Variants in SLC35F3 observed in about 807,000 individuals in gnomAD.
SLC35F3 encodes the protein putative thiamine transporter SLC35F3.
Under a neutral mutation model 49.9 loss-of-function variants are expected in SLC35F3, and 25 were observed. The ratio of observed to expected loss-of-function variants is 0.50; its 90% confidence interval spans 0.37 to 0.70. The LOEUF (loss-of-function observed/expected upper bound fraction) is 0.70. Among genes scored for constraint, SLC35F3 ranks in the 30% least tolerant of loss-of-function variants. The probability of loss-of-function intolerance (pLI) is 0.00; values close to 1 mark genes in which losing one functional copy is unlikely to be tolerated. For missense variants in SLC35F3, 525 were observed against 639.8 expected, an observed-to-expected ratio of 0.82 and a Z score of 1.94; for synonymous variants, 275 against 265.4, an observed-to-expected ratio of 1.04 and a Z score of -0.35.
intron 2 of SLC35F3, among the ~76,000 whole-genome samples, chr1:234,199,148 A>C (rs1666859526): frequency 6.6e-6 from 1 of 152,144 alleles, no homozygotes; most frequent in Admixed American, 6.5e-5. Context: ...GGATTGCTTA[A>C]GCTCGGGTGT....
chr1:233,961,454 TC>T (rs1662800416), intron 2 of SLC35F3, among the ~76,000 whole-genome samples: 1 of 139,584 alleles, frequency 7.2e-6, no homozygotes, highest in Non-Finnish European at 1.5e-5. Context: ...TTTTTTCCTC[TC>T]TTTTTTTTTT....
chr1:234,249,652 A>C (rs1224423977), intron 3 of SLC35F3, among the ~76,000 whole-genome samples: 1 of 152,184 alleles, frequency 6.6e-6, no homozygotes, highest in Non-Finnish European at 1.5e-5. Flanking sequence ...GTTGCAAGTA[A>C]AATTGGGTCC....
intron 3 of SLC35F3, among the ~76,000 whole-genome samples, chr1:234,241,102 TTTTC>T (rs1302307787): frequency 3.3e-5 from 5 of 152,224 alleles, no homozygotes; most frequent in African/African-American, 1.2e-4. Flanking sequence ...GATGTGTTTC[TTTTC>T]TTTCTTTTCT....
At chr1:234,021,190 A>C (rs1338974523) in intron 2 of SLC35F3, among the ~76,000 whole-genome samples, 1 of 152,154 alleles carries the variant, frequency 6.6e-6, no homozygotes, top group African/African-American at 2.4e-5. Flanking sequence ...AGCAGGCTCC[A>C]GACCTTGCAC....
chr1:233,958,972 T>C (rs1322727211), intron 2 of SLC35F3, among the ~76,000 whole-genome samples: 2 of 152,202 alleles, frequency 1.3e-5, no homozygotes, highest in African/African-American at 2.4e-5. Context: ...TTTGGAACTG[T>C]GTGTATGATC....
At chr1:234,004,002 A>T (rs903897840) in intron 2 of SLC35F3, among the ~76,000 whole-genome samples, 1 of 152,180 alleles carries the variant, frequency 6.6e-6, no homozygotes, top group African/African-American at 2.4e-5. Context: ...GACTGATGGG[A>T]GAATAAATGA....
At chr1:234,226,123 C>T (rs1029028311) in intron 2 of SLC35F3, among the ~76,000 whole-genome samples, 1 of 152,154 alleles carries the variant, frequency 6.6e-6, no homozygotes, top group African/African-American at 2.4e-5. Context: ...TTTGCTAAAA[C>T]TTACTGAGTT....
In SLC35F3 at chr1:233,904,685, C is replaced by A. The variant is rs1380615596; in HGVS notation, c.-393C>A. On this transcript the variant is annotated 5_prime_UTR_variant, in exon 1 of 8. Coordinates refer to ENST00000366618, the MANE Select transcript of SLC35F3 (RefSeq NM_173508.4). ...GGCCCCTGTGCGCCCCGACCCGACG[C>A]CTCCCCGCCCGACCAGGTGCCTCGA... Among the ~76,000 whole-genome samples the A allele has an allele frequency of 6.6e-6, 1 of 151,826 alleles. No homozygotes were observed. Among genetic ancestry groups the A allele is most frequent in the African/African-American group, 2.4e-5 (1 of 41,406 alleles).
chr1:234,199,170 G>A (rs1439852892), intron 2 of SLC35F3, among the ~76,000 whole-genome samples: 1 of 152,116 alleles, frequency 6.6e-6, no homozygotes, highest in East Asian at 1.9e-4. Flanking sequence ...TAAGGCTGCA[G>A]TGAGCTATGA....
rs375275836 is a variant in SLC35F3 at position 234,097,270 on chromosome 1, A to C, written c.284-134147A>C. Among the ~76,000 whole-genome samples the C allele has an allele frequency of 2.0e-5, 3 of 152,194 alleles. No homozygotes were observed. The East Asian group carries it at 5.8e-4, about 29-fold the overall frequency. On this transcript the variant is annotated intron_variant, in intron 2 of 7. Coordinates refer to ENST00000366618, the MANE Select transcript of SLC35F3 (RefSeq NM_173508.4). ...ATTTACACTCCCACCAGCAGTGTCT[A>C]AGTGTTCCCTTTTCACCACTACACA... is the stretch of plus-strand genomic sequence containing the variant.
chr1:234,311,612 G>A lies in SLC35F3; in HGVS notation c.828+2292G>A, dbSNP rs558926762. ...ACATCAATAGGTCGAAGTCATGTGC[G>A]CAGATCCAAAAGGAAGCAAACGTGT... On this transcript the variant is annotated intron_variant, in intron 4 of 7. Coordinates refer to ENST00000366618, the MANE Select transcript of SLC35F3 (RefSeq NM_173508.4). Among the ~76,000 whole-genome samples the A allele has an allele frequency of 1.1e-4, 17 of 152,336 alleles. No individual in the cohort carries two copies. In the South Asian group the frequency reaches 3.3e-3, roughly 30 times the overall value.
intron 2 of SLC35F3, among the ~76,000 whole-genome samples, chr1:234,012,395 T>A (rs1001060533): frequency 1.3e-5 from 2 of 152,116 alleles, no homozygotes; most frequent in African/African-American, 4.8e-5. Flanking sequence ...CCTGTATGGG[T>A]GTTGGGCTGG....
intron 2 of SLC35F3, among the ~76,000 whole-genome samples, chr1:234,013,166 TC>T (rs1663750247): frequency 6.6e-6 from 1 of 152,008 alleles, no homozygotes. Context: ...AAACTAGAAA[TC>T]AATAACAGGA....
At chr1:234,217,953 TG>T (rs1667148296) in intron 2 of SLC35F3, among the ~76,000 whole-genome samples, 1 of 152,106 alleles carries the variant, frequency 6.6e-6, no homozygotes. Context: ...GAAAGCTTGT[TG>T]GTGCAGAGGG....
chr1:234,182,042 G>T (rs571255532), intron 2 of SLC35F3, among the ~76,000 whole-genome samples: 1 of 152,270 alleles, frequency 6.6e-6, no homozygotes, highest in African/African-American at 2.4e-5. Context: ...TACGAATGGC[G>T]AAAGGAATTA....
chr1:233,995,622 G>A (rs929048192), intron 2 of SLC35F3, among the ~76,000 whole-genome samples: 6 of 152,158 alleles, frequency 3.9e-5, no homozygotes, highest in African/African-American at 7.2e-5. Context: ...ATGACTTCAC[G>A]CGGAGGCTTT....
chr1:234,305,230 A>C (rs543918680), intron 3 of SLC35F3, among the ~76,000 whole-genome samples: 1 of 152,340 alleles, frequency 6.6e-6, no homozygotes, highest in South Asian at 2.1e-4. Flanking sequence ...AGGCTATCCC[A>C]GCTAGGATTC....
chr1:234,001,062 C>T (rs183112206), intron 2 of SLC35F3, among the ~76,000 whole-genome samples: 1 of 152,174 alleles, frequency 6.6e-6, no homozygotes, highest in Admixed American at 6.5e-5. Context: ...CCTGACAGGG[C>T]AGTTTGGCCT....
chr1:233,958,726 C>T (rs1662745789), intron 2 of SLC35F3, among the ~76,000 whole-genome samples: 1 of 152,192 alleles, frequency 6.6e-6, no homozygotes, highest in Non-Finnish European at 1.5e-5. Flanking sequence ...AGCTATACCA[C>T]AGGACTTAAA....
Sources: gnomAD v4.1 joint callset for allele counts (sites outside exome capture counted in the v4.1 genomes callset) on GRCh38, gnomAD v4.1.1 for gene constraint, MANE v1.5 for transcripts, NCBI Gene and HGNC (gene_info 2026-07-23, HGNC 2026-07-21) for gene names.